PPARGC1A: variants seen among roughly 807,000 people sequenced by gnomAD.
PPARGC1A encodes the protein PPARG coactivator 1 alpha.
Under a neutral mutation model 88.7 loss-of-function variants are expected in PPARGC1A, and 25 were observed. The ratio of observed to expected loss-of-function variants is 0.28; its 90% CI spans 0.21 to 0.39. PPARGC1A has a LOEUF of 0.39. Ranked by LOEUF, PPARGC1A falls within the 10% of genes least tolerant of loss-of-function variation. PPARGC1A has a pLI of 1.00. For missense variants in PPARGC1A, 880 were observed against 968.7 expected, an observed-to-expected ratio of 0.91 and a Z score of 1.22; for synonymous variants, 363 against 355.6, an observed-to-expected ratio of 1.02 and a Z score of -0.24.
the PPARGC1A span, among the ~76,000 whole-genome samples, chr4:24,178,920 CTTTG>C: frequency 6.6e-6 from 1 of 152,002 alleles, no homozygotes; most frequent in South Asian, 2.1e-4. Flanking sequence ...TGGTTTTGTC[CTTTG>C]TTTTTGTTTC....
the PPARGC1A span, among the ~76,000 whole-genome samples, chr4:24,300,049 A>T: frequency 6.6e-6 from 1 of 152,198 alleles, no homozygotes. Flanking sequence ...TGAGGGTCCC[A>T]TGCCTTGGGG....
intron 2 of PPARGC1A, among the ~76,000 whole-genome samples, chr4:23,834,172 C>T (rs774763248): frequency 5.3e-5 from 8 of 152,000 alleles, no homozygotes; most frequent in Non-Finnish European, 1.0e-4. Flanking sequence ...TGGTGGCGGA[C>T]GCCTGTAGTC....
chr4:24,010,401 C>T, the PPARGC1A span, among the ~76,000 whole-genome samples: 1 of 152,106 alleles, frequency 6.6e-6, no homozygotes, highest in Non-Finnish European at 1.5e-5. Context: ...AAGTGTTTCC[C>T]ATTGCTGCCA....
the PPARGC1A span, among the ~76,000 whole-genome samples, chr4:24,147,944 AAAAC>A: frequency 1.3e-5 from 2 of 151,536 alleles, no homozygotes; most frequent in Non-Finnish European, 2.9e-5. Context: ...ACTCCATCTA[AAAAC>A]AAACAAACAA....
At chr4:24,261,001 C>T in the PPARGC1A span, among the ~76,000 whole-genome samples, 1 of 152,124 alleles carries the variant, frequency 6.6e-6, no homozygotes, top group Non-Finnish European at 1.5e-5. Context: ...ATACATCCCA[C>T]GTAAATAGGA....
chr4:24,359,990 G>A, the PPARGC1A span, among the ~76,000 whole-genome samples: 1 of 152,082 alleles, frequency 6.6e-6, no homozygotes, highest in African/African-American at 2.4e-5. Context: ...TGAGTAGAAG[G>A]TAAATCCAAT....
chr4:23,890,260 G>GAAA, upstream of PPARGC1A: 2 of 373,130 alleles, frequency 5.4e-6, no homozygotes, highest in Non-Finnish European at 8.7e-6. Flanking sequence ...AAGAAAGAAA[G>GAAA]GAAACACTTA....
At chr4:24,104,212 C>A in the PPARGC1A span, among the ~76,000 whole-genome samples, 1 of 152,182 alleles carries the variant, frequency 6.6e-6, no homozygotes, top group East Asian at 1.9e-4. Context: ...AGAGTGGGCG[C>A]CCTCTTCGTG....
At chr4:24,305,465 G>C in the PPARGC1A span, among the ~76,000 whole-genome samples, 1 of 152,096 alleles carries the variant, frequency 6.6e-6, no homozygotes, top group South Asian at 2.1e-4. Context: ...GTGTTAGTCA[G>C]AACTGTAATA....
the PPARGC1A span, among the ~76,000 whole-genome samples, chr4:24,269,555 A>C: frequency 6.6e-6 from 1 of 152,160 alleles, no homozygotes; most frequent in Admixed American, 6.5e-5. Context: ...CAGTCACTTT[A>C]TTTATAAAAG....
upstream of PPARGC1A, chr4:23,904,095 G>A (rs1452134228): frequency 2.5e-5 from 24 of 970,158 alleles, no homozygotes; most frequent in Non-Finnish European, 2.9e-5. Flanking sequence ...CTCACAACAA[G>A]GGCTTCGGCA....
chr4:23,820,663 TC>T, intron 7 of PPARGC1A: 1 of 437,784 alleles, frequency 2.3e-6, no homozygotes, highest in Non-Finnish European at 4.6e-6. Flanking sequence ...AGTTTTTTTA[TC>T]AGCCAAAATG....
At chr4:23,925,752 A>G in the PPARGC1A span, among the ~76,000 whole-genome samples, 1 of 152,192 alleles carries the variant, frequency 6.6e-6, no homozygotes, top group East Asian at 1.9e-4. Context: ...GTCCAACTGT[A>G]TACTTTCGTT....
chr4:24,238,745 A>ATG, the PPARGC1A span, among the ~76,000 whole-genome samples: 6,089 of 121,418 alleles, frequency 0.05, 139 homozygotes, highest in East Asian at 0.072. Context: ...AAGGTTGTAT[A>ATG]TGTGTGTGTG....
At chr4:23,865,983 A>G (rs1438970302) in intron 2 of PPARGC1A, 6 of 152,170 alleles carry the variant, frequency 3.9e-5, no homozygotes, top group African/African-American at 1.2e-4. Flanking sequence ...ACACATGTAC[A>G]TGTGCACTTA....
chr4:24,255,395 C>G, the PPARGC1A span, among the ~76,000 whole-genome samples: 9 of 152,182 alleles, frequency 5.9e-5, no homozygotes, highest in African/African-American at 2.2e-4. Flanking sequence ...CTCTAACACT[C>G]TCCCTATATT....
intron 2 of PPARGC1A, among the ~76,000 whole-genome samples, chr4:23,866,416 A>G (rs529647343): frequency 3.9e-4 from 59 of 152,342 alleles, no homozygotes; most frequent in Non-Finnish European, 6.5e-4. Context: ...CTCCAATTTC[A>G]AAACAGCAAA....
the PPARGC1A span, among the ~76,000 whole-genome samples, chr4:24,050,475 C>T: frequency 6.6e-6 from 1 of 152,030 alleles, no homozygotes; most frequent in South Asian, 2.1e-4. Context: ...GGATTACAGG[C>T]GTGAGCTACT....
chr4:24,164,417 A>G, the PPARGC1A span, among the ~76,000 whole-genome samples: 1,307 of 152,296 alleles, frequency 8.6e-3, 24 homozygotes, highest in African/African-American at 0.03. Flanking sequence ...TGCCTCTCCT[A>G]TATCATTTAT....
Sources: gnomAD v4.1 joint callset for allele counts (sites outside exome capture counted in the v4.1 genomes callset) on GRCh38, gnomAD v4.1.1 for gene constraint, MANE v1.5 for transcripts, NCBI Gene and HGNC (gene_info 2026-07-23, HGNC 2026-07-21) for gene names.